The following CDHR2 variants were observed in gnomAD, a reference collection of about 807,000 sequenced individuals.
The protein encoded by CDHR2 is cadherin-related family member 2.
CDHR2 carries 104 observed loss-of-function variants against 138.6 expected under a neutral mutation model. The observed-to-expected ratio is 0.75, with a 90% CI of 0.64 to 0.88. The LOEUF (loss-of-function observed/expected upper bound fraction) is 0.88, where lower values mean the gene tolerates loss of function less well. Among genes scored for constraint, CDHR2 ranks in the 40% least tolerant of loss-of-function variants. The pLI, the probability that CDHR2 is intolerant of heterozygous loss-of-function variation, is 0.00. For synonymous variants in CDHR2, 755 were observed against 742.8 expected (o/e 1.02, Z -0.27); for missense variants, 1,624 against 1,727.6 (o/e 0.94, Z 1.06).
Position 176,584,667 on chromosome 5 carries a change from G to C in CDHR2, c.2386G>C (p.Val796Leu). The change falls in exon 19 of 32, where the codon GTG (valine) becomes CTG (leucine). Residue 796 changes from valine to leucine, a missense_variant. Val to Leu is a conservative substitution (Grantham distance 32). This residue lies in a region of CDHR2 where 1,061 missense variants were observed against 1,136.6 expected (regional missense o/e 0.93). Coordinates refer to ENST00000261944, the MANE Select transcript of CDHR2 (RefSeq NM_017675.6). ...QGGETIVDVC[V>L]NVKDVNDNPP... The stretch of plus-strand genomic sequence containing the variant: ...GGGTGAGACCATAGTAGACGTCTGC[G>C]TGAATGTGAAAGACGTGAACGACAA... 1 of 1,614,080 alleles carries C rather than the reference G, an allele frequency of 6.2e-7. No individual in the cohort carries two copies. The highest frequency in any genetic ancestry group is 8.5e-7 in the Non-Finnish European group (1 of 1,180,004).
intron 1 of CDHR2, among the ~76,000 whole-genome samples, chr5:176,556,274 T>C (rs960108485): frequency 1.3e-5 from 2 of 152,128 alleles, no homozygotes; most frequent in African/African-American, 4.8e-5. Context: ...GAGGCCGAGA[T>C]GGGAGGATCG....
At position 176,591,241 on chromosome 5, in the gene CDHR2, G is replaced by T; in HGVS notation, c.3571G>T (p.Ala1191Ser). Residue 1191 changes from alanine to serine, a missense_variant, in exon 29 of 32, where the codon GCC (alanine) becomes TCC (serine). Physicochemically the swap from Ala to Ser is moderately conservative, Grantham distance 99. This residue lies in a region of CDHR2 where 556 missense variants were observed against 565.7 expected (regional missense o/e 0.98). Transcript: ENST00000261944. Reference sequence around the variant, plus strand: ...CCGGAAGCTTCAAGCTATGAAGGCTGCCAAGGAGGCCAGGAAGACAGCAGC... The same window carrying T: ...CCGGAAGCTTCAAGCTATGAAGGCTTCCAAGGAGGCCAGGAAGACAGCAGC... Reference protein sequence around the residue: ...YNRKLQAMKAAKEARKTAAGV... With the variant: ...YNRKLQAMKASKEARKTAAGV... The T allele has an allele frequency of 1.2e-6, 2 of 1,613,952 alleles. No individual in the cohort carries two copies. Among genetic ancestry groups the T allele is most frequent in the Non-Finnish European group, 1.7e-6 (2 of 1,179,974 alleles).
rs369221587 is a variant in CDHR2 at position 176,576,139 on chromosome 5, G to A, written c.1148G>A (p.Arg383His). 41 of 1,613,798 alleles carry A rather than the reference G, an allele frequency of 2.5e-5. No homozygotes were observed. Among genetic ancestry groups the A allele is most frequent in the Middle Eastern group, 1.6e-4 (1 of 6,062 alleles). The change falls in exon 12 of 32, where the codon CGC (arginine) becomes CAC (histidine). Residue 383 changes from arginine (R) to histidine (H), a missense_variant. Coordinates refer to ENST00000261944, the MANE Select transcript of CDHR2 (RefSeq NM_017675.6). The surrounding 1 kb of genome is among the most constrained non-coding windows in gnomAD (Gnocchi z 4.5). ...TGYVDEHASP[R>H]IPIDDLTMVV... ...TACGTGGACGAGCATGCCTCCCCCC[G>A]CATCCCCATCGATGACCTCACCATG...
At chr5:176,589,483 C>G (rs1248021045) in intron 23 of CDHR2, 45 bp downstream of exon 23, 11 of 1,612,232 alleles carry the variant, frequency 6.8e-6, no homozygotes, top group Non-Finnish European at 9.3e-6. Flanking sequence ...CTCTGCCAGC[C>G]CCCAGGGTCC....
chr5:176,584,791 A>C lies in CDHR2; in HGVS notation c.2510A>C (p.Asp837Ala). The C allele has an allele frequency of 6.2e-7, 1 of 1,614,158 alleles. No individual in the cohort carries two copies. Among genetic ancestry groups the C allele is most frequent in the South Asian group, 1.1e-5 (1 of 91,082 alleles). The stretch of plus-strand genomic sequence containing the variant: ...GCTGTGGTGGTTGCCTCGGATGTGG[A>C]CACCAGTGCCCAGCTGGAGATACAG... ...QVAVVVASDVDTSAQLEIQLV... is the reference protein window; with the variant it reads ...QVAVVVASDVATSAQLEIQLV... Residue 837 changes from aspartate (D) to alanine (A), a missense_variant, in exon 19 of 32, where the codon GAC becomes GCC. Around this residue, in one of 3 missense-constraint regions of CDHR2, gnomAD observed 1,061 missense variants for 1,136.6 expected, o/e 0.93. Transcript: ENST00000261944.
At chr5:176,562,527 C>T (rs1160117520) in intron 1 of CDHR2, among the ~76,000 whole-genome samples, 1 of 152,078 alleles carries the variant, frequency 6.6e-6, no homozygotes, top group African/African-American at 2.4e-5. Context: ...ATCCTCTACC[C>T]CCACTCCTCC....
Position 176,577,189 on chromosome 5 carries a change from T to C in CDHR2, c.1195-210T>C, listed in dbSNP as rs554539492. 4.8e-4 allele frequency among the ~76,000 whole-genome samples: 73 copies of C among 152,132 alleles called. 1 individual carries two copies. Among genetic ancestry groups the C allele is most frequent in the Middle Eastern group, 3.4e-3 (1 of 294 alleles). On this transcript the variant is annotated intron_variant, in intron 12 of 31. Coordinates refer to ENST00000261944, the MANE Select transcript of CDHR2 (RefSeq NM_017675.6). Reference sequence around the variant, plus strand: ...TCCAGCCCAGGTCTGGGACCCACAGTGCCTAGGGAGCTGTCTTCTACAGAG... The same window carrying C: ...TCCAGCCCAGGTCTGGGACCCACAGCGCCTAGGGAGCTGTCTTCTACAGAG...
At chr5:176,589,833 T>C (rs1179124198) in intron 24 of CDHR2, among the ~76,000 whole-genome samples, 2 of 152,348 alleles carry the variant, frequency 1.3e-5, no homozygotes, top group South Asian at 2.1e-4. Context: ...GGAACAAGGC[T>C]GCCGTGTACA....
chr5:176,585,407 G>A (rs1372066599), intron 19 of CDHR2, among the ~76,000 whole-genome samples: 1 of 152,162 alleles, frequency 6.6e-6, no homozygotes, highest in Non-Finnish European at 1.5e-5. Flanking sequence ...CATATATTGA[G>A]TCCTTATGAC....
rs569190685 is a variant in CDHR2 at position 176,577,996 on chromosome 5, G to A, written c.1513-38G>A. ...CTGCATGGGTGGCGGTGCGTGCATCGCCTCCACACAGCACCCTGCCATGTC... is the reference window on the plus strand; with the variant it reads ...CTGCATGGGTGGCGGTGCGTGCATCACCTCCACACAGCACCCTGCCATGTC... On this transcript the variant is annotated intron_variant, in intron 14 of 31. Coordinates refer to ENST00000261944, the MANE Select transcript of CDHR2 (RefSeq NM_017675.6). The A allele has an allele frequency of 4.7e-5, 75 of 1,585,230 alleles. 1 individual carries two copies. The Middle Eastern group carries it at 1.0e-3, about 22-fold the overall frequency.
chr5:176,580,078 G>C (rs1561876602), intron 16 of CDHR2, among the ~76,000 whole-genome samples: 1 of 151,998 alleles, frequency 6.6e-6, no homozygotes, highest in Non-Finnish European at 1.5e-5. Context: ...GACAAACCAA[G>C]CATGCCTTCA....
chr5:176,573,939 C>T, intron 6 of CDHR2, 144 bp from the exon 7 acceptor site: 1 of 625,042 alleles, frequency 1.6e-6, no homozygotes, highest in Non-Finnish European at 2.8e-6. Context: ...AGGTGCCTTC[C>T]ACCCGCAGCC....
chr5:176,544,549 C>T (rs1386109800), upstream of CDHR2, among the ~76,000 whole-genome samples: 1 of 152,046 alleles, frequency 6.6e-6, no homozygotes, highest in African/African-American at 2.4e-5. Context: ...AAGCGATTCT[C>T]CTGCCTCAGC....
At position 176,581,462 on chromosome 5, in the gene CDHR2, G is replaced by GC. The variant is rs1561877297; in HGVS notation, c.1942dup (p.Leu648ProfsTer22). 6.2e-7 allele frequency: 1 copy of GC among 1,614,150 alleles called. No individual in the cohort carries two copies. The highest frequency in any genetic ancestry group is 8.5e-7 in the Non-Finnish European group (1 of 1,180,038). ...ACACAGGGCTCCTCAGAAACCTGGGGCCCCTGGACAGAGAGGCCATCGACC... is the reference window on the plus strand; with the variant it reads ...ACACAGGGCTCCTCAGAAACCTGGGGCCCCCTGGACAGAGAGGCCATCGACC... On this transcript the variant is annotated frameshift_variant, in exon 17 of 32. Coordinates refer to ENST00000261944, the MANE Select transcript of CDHR2 (RefSeq NM_017675.6). LOFTEE classifies it high-confidence loss of function.
At chr5:176,570,302 A>T (rs1467058166) in intron 5 of CDHR2, among the ~76,000 whole-genome samples, 1 of 152,246 alleles carries the variant, frequency 6.6e-6, no homozygotes, top group Non-Finnish European at 1.5e-5. Flanking sequence ...TGGCAAACAA[A>T]GCGAACGTGC....
At chr5:176,592,864 C>T (rs1758923165) in intron 31 of CDHR2, 84 bp downstream of exon 31, 2 of 1,190,996 alleles carry the variant, frequency 1.7e-6, no homozygotes, top group African/African-American at 3.0e-5. Flanking sequence ...AAGGGACCTG[C>T]TACTGACATG....
At chr5:176,560,522 T>C (rs1757941445) in intron 1 of CDHR2, among the ~76,000 whole-genome samples, 1 of 152,234 alleles carries the variant, frequency 6.6e-6, no homozygotes, top group Non-Finnish European at 1.5e-5. Context: ...GTCATGTTTG[T>C]CTGCCATACC....
chr5:176,593,736 AT>A (rs1581153954), intron 31 of CDHR2, among the ~76,000 whole-genome samples: 1 of 152,168 alleles, frequency 6.6e-6, no homozygotes, highest in East Asian at 1.9e-4. Context: ...ATGGTTCAGA[AT>A]TTGTTTTCCC....
chr5:176,595,103 A>G (rs562374319), intron 31 of CDHR2, among the ~76,000 whole-genome samples: 2 of 152,298 alleles, frequency 1.3e-5, no homozygotes, highest in South Asian at 2.1e-4. Flanking sequence ...ATCTGTGAAG[A>G]GAGGACATGT....
Sources: gnomAD v4.1 joint callset for allele counts (sites outside exome capture counted in the v4.1 genomes callset) on GRCh38, gnomAD v4.1.1 for gene constraint, gnomAD v4.1.1 regional missense constraint, Gnocchi (gnomAD v3.1) non-coding constraint, MANE v1.5 for transcripts, NCBI Gene and HGNC (gene_info 2026-07-23, HGNC 2026-07-21) for gene names.